RPS6KA2: variants seen among roughly 807,000 people sequenced by gnomAD.
RPS6KA2 encodes ribosomal protein S6 kinase alpha-2.
In RPS6KA2, 42 loss-of-function variants were observed where a neutral mutation model predicts 91.8. The observed-to-expected ratio is 0.46, with a 90% CI of 0.36 to 0.59. The LOEUF is 0.59. RPS6KA2 is among the 20% of genes least tolerant of loss of function. The pLI, the probability that RPS6KA2 is intolerant of heterozygous loss-of-function variation, is 0.00. For missense variants in RPS6KA2, 798 were observed against 978.5 expected (o/e 0.82, Z 2.46); for synonymous variants, 414 against 393.6 (o/e 1.05, Z -0.61).
At chr6:166,734,129 G>C (rs558905236) in intron 2 of RPS6KA2, among the ~76,000 whole-genome samples, 1 of 152,334 alleles carries the variant, frequency 6.6e-6, no homozygotes, top group East Asian at 1.9e-4. Context: ...TGAGGGGAGA[G>C]AGGAAAGTTA....
At chr6:166,756,703 A>G (rs993750442) in intron 2 of RPS6KA2, among the ~76,000 whole-genome samples, 6 of 152,094 alleles carry the variant, frequency 3.9e-5, no homozygotes, top group Non-Finnish European at 7.4e-5. Context: ...AAAATTAGCC[A>G]GGCATGGTGG....
At chr6:166,581,864 G>A (rs1334974777) in intron 1 of RPS6KA2, among the ~76,000 whole-genome samples, 1 of 146,700 alleles carries the variant, frequency 6.8e-6, no homozygotes, top group Non-Finnish European at 1.5e-5. Context: ...CGGCAGGTGG[G>A]CTGGGCAGGA....
chr6:166,482,588 T>C (rs9347130), intron 10 of RPS6KA2, among the ~76,000 whole-genome samples: 34,760 of 152,176 alleles, frequency 0.23, 5,016 homozygotes, highest in East Asian at 0.52. Context: ...AGTTAACGCC[T>C]AGAGGCCTTG....
At chr6:166,430,988 C>T (rs1779109599) in intron 15 of RPS6KA2, among the ~76,000 whole-genome samples, 1 of 151,944 alleles carries the variant, frequency 6.6e-6, no homozygotes, top group South Asian at 2.1e-4. Flanking sequence ...GCAGTGGCGC[C>T]ATCTCAGCTC....
chr6:166,433,012 A>AAG lies in RPS6KA2; in HGVS notation c.1333-523_1333-522insCT, dbSNP rs1554272380. Among the ~76,000 whole-genome samples the AAG allele has an allele frequency of 6.7e-6, 1 of 150,374 alleles. No individual in the cohort carries two copies. ...TCTGTCTCAAAAAAAAAAAAAAAAA[A>AAG]GGAGTACAAGACTTCAGACATGAAT... On this transcript the variant is annotated intron_variant, in intron 14 of 20. Coordinates refer to ENST00000265678, the MANE Select transcript of RPS6KA2 (RefSeq NM_021135.6). The surrounding 1 kb of genome is among the most constrained non-coding windows in gnomAD (Gnocchi z 4.4).
intron 10 of RPS6KA2, among the ~76,000 whole-genome samples, chr6:166,484,753 G>T (rs1781349074): frequency 6.6e-6 from 1 of 152,200 alleles, no homozygotes; most frequent in Non-Finnish European, 1.5e-5. Flanking sequence ...CACGTGGTGT[G>T]TTAATAAGAG....
intron 2 of RPS6KA2, among the ~76,000 whole-genome samples, chr6:166,798,068 C>A (rs900159934): frequency 2.6e-5 from 4 of 152,192 alleles, no homozygotes; most frequent in African/African-American, 9.7e-5. Context: ...GAGAACCAAC[C>A]AGAGATCAAA....
chr6:166,507,997 ACAT>A (rs1261148928), intron 5 of RPS6KA2, among the ~76,000 whole-genome samples: 2 of 140,104 alleles, frequency 1.4e-5, no homozygotes, highest in Non-Finnish European at 3.1e-5. Context: ...CCCCCACCAC[ACAT>A]CATGCACACT....
chr6:166,420,624 T>G (rs60715584), intron 17 of RPS6KA2, among the ~76,000 whole-genome samples: 1 of 152,216 alleles, frequency 6.6e-6, no homozygotes, highest in Non-Finnish European at 1.5e-5. Flanking sequence ...ACGTTTTGCT[T>G]ACCCATTCAT....
chr6:166,746,196 C>T (rs1343565347), intron 2 of RPS6KA2, among the ~76,000 whole-genome samples: 1 of 152,134 alleles, frequency 6.6e-6, no homozygotes, highest in Non-Finnish European at 1.5e-5. Context: ...CTCCCCAGAG[C>T]AGGCAAGGCC....
intron 2 of RPS6KA2, among the ~76,000 whole-genome samples, chr6:166,669,894 G>A (rs1788423125): frequency 6.6e-6 from 1 of 152,176 alleles, no homozygotes; most frequent in Admixed American, 6.5e-5. Flanking sequence ...CCCTCCTGCA[G>A]GTGTGATAGC....
chr6:166,847,037 C>T (rs1309023192), intron 2 of RPS6KA2, among the ~76,000 whole-genome samples: 2 of 152,148 alleles, frequency 1.3e-5, no homozygotes, highest in Non-Finnish European at 2.9e-5. Context: ...CAAAAAGCTC[C>T]TTTAACTGGT....
At chr6:166,629,622 C>G (rs754533721), upstream of RPS6KA2, among the ~76,000 whole-genome samples, 3 of 152,196 alleles carry the variant, frequency 2.0e-5, no homozygotes, top group Non-Finnish European at 4.4e-5. Context: ...TCAAGACCCA[C>G]TGTAACCGAA....
chr6:166,564,265 T>C (rs3799616), intron 1 of RPS6KA2, among the ~76,000 whole-genome samples: 14,833 of 152,230 alleles, frequency 0.097, 931 homozygotes, highest in East Asian at 0.23. Flanking sequence ...GAACATCGCA[T>C]GTGTCAAATC....
intron 2 of RPS6KA2, among the ~76,000 whole-genome samples, chr6:166,781,400 T>G (rs75124356): frequency 6.6e-6 from 1 of 152,326 alleles, no homozygotes; most frequent in East Asian, 1.9e-4. Context: ...ACTAGCCAAC[T>G]TGACCCCCTG....
In RPS6KA2 at chr6:166,662,869, T is replaced by G. The variant is rs1014942892; in HGVS notation, c.124-124085A>C. Among the ~76,000 whole-genome samples, 7 of 152,250 alleles carry G rather than the reference T, an allele frequency of 4.6e-5. No homozygotes were observed. The highest frequency in any genetic ancestry group is 4.6e-4 in the Admixed American group (7 of 15,292). On this transcript the variant is annotated intron_variant, in intron 2 of 21. Transcript: ENST00000503859. This position sits in a 1 kb window ranked among gnomAD's most constrained non-coding sequence, Gnocchi z 4.3. ...GTGGGTGCTTATCCGCTCTGACTGC[T>G]GTCCTTAGAAGAAGAGGAAGTCTGA...
chr6:166,529,433 A>AT (rs1783181567), intron 3 of RPS6KA2, among the ~76,000 whole-genome samples: 1 of 151,894 alleles, frequency 6.6e-6, no homozygotes, highest in Non-Finnish European at 1.5e-5. Context: ...GGGTGGAGGG[A>AT]TGGGGGAGGG....
chr6:166,492,259 C>T (rs959698006), intron 8 of RPS6KA2, among the ~76,000 whole-genome samples: 2 of 151,992 alleles, frequency 1.3e-5, no homozygotes, highest in African/African-American at 4.8e-5. Flanking sequence ...TGAGGGAACT[C>T]AGAGCAGACA....
chr6:166,681,391 C>T (rs979898477), intron 2 of RPS6KA2, among the ~76,000 whole-genome samples: 4 of 152,138 alleles, frequency 2.6e-5, no homozygotes, highest in Admixed American at 6.5e-5. Flanking sequence ...CTCATTGCTC[C>T]ACTGGAAACC....
Sources: gnomAD v4.1 joint callset for allele counts (sites outside exome capture counted in the v4.1 genomes callset) on GRCh38, gnomAD v4.1.1 for gene constraint, Gnocchi (gnomAD v3.1) non-coding constraint, MANE v1.5 for transcripts, NCBI Gene and HGNC (gene_info 2026-07-23, HGNC 2026-07-21) for gene names.